CDK13: variants seen among roughly 807,000 people sequenced by gnomAD.
CDK13 encodes cyclin-dependent kinase 13.
In CDK13, 40 loss-of-function variants were observed where a neutral mutation model predicts 137.6. The observed-to-expected ratio is 0.29, with a 90% CI of 0.23 to 0.38. The LOEUF (loss-of-function observed/expected upper bound fraction) is 0.38, where lower values mean the gene tolerates loss of function less well. Among genes scored for constraint, CDK13 ranks in the 10% least tolerant of loss-of-function variants. The probability of loss-of-function intolerance (pLI) is 1.00; values close to 1 mark genes in which losing one functional copy is unlikely to be tolerated. For missense variants in CDK13, 1,704 were observed against 1,951.8 expected (o/e 0.87, Z 2.39); for synonymous variants, 869 against 760.1 (o/e 1.14, Z -2.36).
intron 1 of CDK13, among the ~76,000 whole-genome samples, chr7:39,965,200 A>T (rs938650783): frequency 6.6e-6 from 1 of 152,116 alleles, no homozygotes; most frequent in Non-Finnish European, 1.5e-5. Context: ...TGTCTCGTTG[A>T]TCTGTCTAAT....
intron 5 of CDK13, among the ~76,000 whole-genome samples, chr7:40,045,212 C>CGTAA (rs1358437131): frequency 1.3e-5 from 2 of 152,072 alleles, no homozygotes; most frequent in Non-Finnish European, 2.9e-5. Context: ...CTAAATCTCT[C>CGTAA]GTAAGTACGT....
chr7:40,040,478 C>A (rs1053727004), intron 5 of CDK13, among the ~76,000 whole-genome samples: 1 of 152,154 alleles, frequency 6.6e-6, no homozygotes, highest in East Asian at 1.9e-4. Context: ...CTTTCTCTTT[C>A]AGGTGTTACT....
intron 7 of CDK13, among the ~76,000 whole-genome samples, chr7:40,058,902 ACT>A (rs1204648091): frequency 1.3e-5 from 2 of 151,970 alleles, no homozygotes; most frequent in African/African-American, 4.8e-5. Flanking sequence ...TTTACTGAAG[ACT>A]CTCTTTGTCT....
Position 39,950,558 on chromosome 7 carries a change from T to C in CDK13, c.-84T>C, listed in dbSNP as rs1787116124. On this transcript the variant is annotated 5_prime_UTR_variant, in exon 1 of 14. Transcript: ENST00000181839. ...GTGCTCGGTGTCCCTCCGCCGCCGC[T>C]CCCGTTTCCGGCGGGGGAGATGGCC... 5 of 1,269,386 alleles carry C rather than the reference T, an allele frequency of 3.9e-6. No homozygotes were observed. The highest frequency in any genetic ancestry group is 5.0e-6 in the Non-Finnish European group (5 of 1,008,372). 78.6% of individuals were successfully genotyped at this position (1,269,386 alleles called of 1,614,324 possible). A position where few individuals can be genotyped will look rare whatever the true frequency, so the allele number is the denominator to read the frequency against.
chr7:39,969,013 GT>G (rs928166173), intron 1 of CDK13, among the ~76,000 whole-genome samples: 1 of 151,902 alleles, frequency 6.6e-6, no homozygotes, highest in Non-Finnish European at 1.5e-5. Flanking sequence ...TTTTTTGTTT[GT>G]TTGTTTGTTT....
rs1415775031 is a variant in CDK13, at chr7:40,097,939, A to G, written c.*2959A>G. 6.6e-6 allele frequency: 1 copy of G among 152,166 alleles called. No homozygotes were observed. Among genetic ancestry groups the G allele is most frequent in the Non-Finnish European group, 1.5e-5 (1 of 67,990 alleles). 9.4% of individuals were successfully genotyped at this position (152,166 alleles called of 1,614,324 possible). A position where few individuals can be genotyped will look rare whatever the true frequency, so the allele number is the denominator to read the frequency against. On this transcript the variant is annotated 3_prime_UTR_variant, in exon 14 of 14. Coordinates refer to ENST00000181839, the MANE Select transcript of CDK13 (RefSeq NM_003718.5). ...CAGGTAGTAATCTAGTCCTTGGGGT[A>G]CATCAATAACCGTCAACAGTGTTAA...
rs759927274 is a variant in CDK13 at position 40,047,824 on chromosome 7, G to A, written c.2547G>A (p.Gly849=). ...KCSNILLNNR[G]QIKLADFGLA... Reference sequence around the variant, plus strand: ...CATTTTGTCTTATTTCCACCAGAGGGCAGATAAAACTTGCAGACTTTGGAC... The same window carrying A: ...CATTTTGTCTTATTTCCACCAGAGGACAGATAAAACTTGCAGACTTTGGAC... The change falls in exon 7 of 14, where the codon GGG becomes GGA. Residue 849 remains glycine, a synonymous_variant. Coordinates refer to ENST00000181839, the MANE Select transcript of CDK13 (RefSeq NM_003718.5). 1 of 1,606,708 alleles carries A rather than the reference G, an allele frequency of 6.2e-7. No individual in the cohort carries two copies. Among genetic ancestry groups the A allele is most frequent in the East Asian group, 2.2e-5 (1 of 44,664 alleles).
At chr7:40,079,491 T>A (rs1186871776) in intron 11 of CDK13, among the ~76,000 whole-genome samples, 39 of 152,192 alleles carry the variant, frequency 2.6e-4, no homozygotes, top group Admixed American at 2.6e-3. Context: ...CTACTACTGG[T>A]ACAGCTATAG....
chr7:39,975,772 A>G (rs17496226), intron 1 of CDK13, among the ~76,000 whole-genome samples: 40,667 of 152,120 alleles, frequency 0.27, 6,569 homozygotes, highest in Middle Eastern at 0.44. Flanking sequence ...TCTGGTAAAT[A>G]AAGAAGGGTA....
chr7:40,005,992 T>C (rs1263484642), intron 5 of CDK13, among the ~76,000 whole-genome samples: 1 of 152,236 alleles, frequency 6.6e-6, no homozygotes, highest in African/African-American at 2.4e-5. Flanking sequence ...CCCAAAGTGC[T>C]GGGACTGGCG....
chr7:39,951,346 C>G lies in CDK13; in HGVS notation c.705C>G (p.His235Gln). 1.4e-6 allele frequency: 2 copies of G among 1,475,412 alleles called. No individual in the cohort carries two copies. Among genetic ancestry groups the G allele is most frequent in the Non-Finnish European group, 1.8e-6 (2 of 1,121,180 alleles). 91.4% of individuals were successfully genotyped at this position (1,475,412 alleles called of 1,614,324 possible). ...GSEASKSRSR[H>Q]SHSGEERAEV... The stretch of plus-strand genomic sequence containing the variant: ...AGGCCTCCAAGTCCCGCAGCCGCCA[C>G]AGCCACAGCGGCGAGGAACGGGCCG... The change falls in exon 1 of 14, where the codon CAC (histidine) becomes CAG (glutamine). Residue 235 changes from histidine (H) to glutamine (Q), a missense_variant. Physicochemically the swap from His to Gln is conservative, Grantham distance 24 (BLOSUM62 0). This residue lies in a region of CDK13 where 1,051 missense variants were observed against 931.0 expected (regional missense o/e 1.13). Coordinates refer to ENST00000181839, the MANE Select transcript of CDK13 (RefSeq NM_003718.5).
At chr7:40,074,318 C>T (rs1023612096) in intron 9 of CDK13, among the ~76,000 whole-genome samples, 1 of 151,998 alleles carries the variant, frequency 6.6e-6, no homozygotes, top group South Asian at 2.1e-4. Flanking sequence ...GTCAGGAGAT[C>T]GAGACCATCC....
chr7:40,024,645 G>GGTTTT (rs1785202598), intron 5 of CDK13, among the ~76,000 whole-genome samples: 2 of 50,264 alleles, frequency 4.0e-5, no homozygotes, highest in African/African-American at 1.7e-4. Context: ...GTAGCTCTGT[G>GGTTTT]TTTTTTTTTT....
At chr7:39,962,328 C>G (rs564838063) in intron 1 of CDK13, among the ~76,000 whole-genome samples, 1 of 152,222 alleles carries the variant, frequency 6.6e-6, no homozygotes, top group Non-Finnish European at 1.5e-5. Flanking sequence ...GATCACCATT[C>G]TAACTGGTGT....
At chr7:40,078,620 T>G in intron 10 of CDK13, 100 bp from the exon 11 acceptor site, 1 of 587,676 alleles carries the variant, frequency 1.7e-6, no homozygotes, top group Non-Finnish European at 2.5e-6. Flanking sequence ...ATGATCTTAG[T>G]TTTAGTTTTA....
rs1787007519 is a variant in CDK13 at position 40,094,716 on chromosome 7, T to C, written c.4275T>C (p.His1425=). 2 of 1,614,142 alleles carry C rather than the reference T, an allele frequency of 1.2e-6. No individual in the cohort carries two copies. The highest frequency in any genetic ancestry group is 2.2e-5 in the East Asian group (1 of 44,876). ...TGTTGTTTAGTGGAGACAAGGACCA[T>C]AGATTTGAATATAGCCATGGTCCTA... ...GPMLFSGDKD[H]RFEYSHGPIA... The change falls in exon 14 of 14, where the codon CAT becomes CAC. Residue 1425 remains histidine, a synonymous_variant. Coordinates refer to ENST00000181839, the MANE Select transcript of CDK13 (RefSeq NM_003718.5).
At chr7:39,978,296 G>A (rs538167943) in intron 1 of CDK13, among the ~76,000 whole-genome samples, 2 of 152,344 alleles carry the variant, frequency 1.3e-5, no homozygotes, top group African/African-American at 4.8e-5. Flanking sequence ...AATTGCAGCA[G>A]AGAGAGACTT....
intron 4 of CDK13, among the ~76,000 whole-genome samples, chr7:40,000,814 A>G (rs1784666890): frequency 6.6e-6 from 1 of 152,238 alleles, no homozygotes; most frequent in Non-Finnish European, 1.5e-5. Context: ...GAAAATTTGT[A>G]AGAACATTTT....
intron 1 of CDK13, among the ~76,000 whole-genome samples, chr7:39,971,546 A>G (rs1783999119): frequency 6.6e-6 from 1 of 151,584 alleles, no homozygotes; most frequent in Non-Finnish European, 1.5e-5. Flanking sequence ...CAAAAAAAAC[A>G]CTTTGTATTT....
Sources: allele counts gnomAD v4.1 joint callset (sites outside exome capture counted in the v4.1 genomes callset), GRCh38; gene constraint gnomAD v4.1.1; regional missense constraint gnomAD v4.1.1; transcripts MANE v1.5; gene names NCBI Gene and HGNC (gene_info 2026-07-23, HGNC 2026-07-21).